The following ITSN1 variants were observed in gnomAD, a reference collection of about 807,000 sequenced individuals.
ITSN1 encodes intersectin-1.
A neutral mutation model predicts 239.8 loss-of-function variants in ITSN1; 58 were observed. The ratio of observed to expected loss-of-function variants is 0.24; its 90% CI spans 0.20 to 0.30. The LOEUF (loss-of-function observed/expected upper bound fraction) is 0.30. Ranked by LOEUF, ITSN1 falls within the 10% of genes least tolerant of loss-of-function variation. The pLI is 1.00. For synonymous variants in ITSN1, 780 were observed against 770.8 expected (o/e 1.01, Z -0.20); for missense variants, 1,558 against 2,103.3 (o/e 0.74, Z 5.07).
chr21:33,689,968 AAAAAAAAAAAAAAATAATT>A (rs1012640747), intron 1 of ITSN1, among the ~76,000 whole-genome samples: 3 of 138,316 alleles, frequency 2.2e-5, no homozygotes, highest in Non-Finnish European at 4.7e-5. Flanking sequence ...ACTCTGTCTC[AAAAAAAAAAAAAAATAATT>A]AAAAAAAAAA....
At position 33,730,388 on chromosome 21, in the gene ITSN1, C is replaced by CTTTTTTTTTTTTTTT. The variant is rs71194863; in HGVS notation, c.186-4642_186-4628dup. ...TAACCTGCTATAAATGCTCTCTGTT[C>CTTTTTTTTTTTTTTT]TTTTTTTTTTTTTTTTTTTTTTTTT... On this transcript the variant is annotated intron_variant, in intron 4 of 39. Transcript: ENST00000381318. 8.1e-5 allele frequency among the ~76,000 whole-genome samples: 4 copies of CTTTTTTTTTTTTTTT among 49,348 alleles called. 1 individual carries two copies. The highest frequency in any genetic ancestry group is 6.8e-4 in the East Asian group (1 of 1,468). 32.4% of individuals were successfully genotyped at this position (49,348 alleles called of 152,430 possible).
chr21:33,877,860 T>TGTGC (rs1160748772), intron 34 of ITSN1, among the ~76,000 whole-genome samples: 17 of 145,994 alleles, frequency 1.2e-4, no homozygotes, highest in Non-Finnish European at 4.5e-5. Context: ...TGTGTGTGTG[T>TGTGC]GCCAGTTTTC....
intron 1 of ITSN1, among the ~76,000 whole-genome samples, chr21:33,648,309 C>T (rs561471451): frequency 1.3e-5 from 2 of 152,172 alleles, no homozygotes; most frequent in East Asian, 3.8e-4. Flanking sequence ...CTTACAGATG[C>T]CTTGGAAACT....
At chr21:33,701,535 G>A (rs888101341) in intron 1 of ITSN1, among the ~76,000 whole-genome samples, 5 of 151,890 alleles carry the variant, frequency 3.3e-5, no homozygotes, top group African/African-American at 1.2e-4. Flanking sequence ...ACGCACGCCT[G>A]TAATCCCAGC....
At chr21:33,875,064 G>A (rs1483881031) in intron 33 of ITSN1, among the ~76,000 whole-genome samples, 4 of 152,182 alleles carry the variant, frequency 2.6e-5, no homozygotes, top group East Asian at 1.9e-4. Flanking sequence ...ACATTTTGCC[G>A]GACAGATCAC....
chr21:33,897,178 C>T lies in ITSN1; in HGVS notation c.*8878C>T, dbSNP rs1430855353. 6.6e-6 allele frequency: 1 copy of T among 152,240 alleles called. No homozygotes were observed. The highest frequency in any genetic ancestry group is 2.4e-5 in the African/African-American group (1 of 41,450). 9.4% of individuals were successfully genotyped at this position (152,240 alleles called of 1,614,324 possible). On this transcript the variant is annotated 3_prime_UTR_variant, in exon 40 of 40. Coordinates refer to ENST00000381318, the MANE Select transcript of ITSN1 (RefSeq NM_003024.3). The stretch of plus-strand genomic sequence containing the variant: ...TATGTTAATGCTACTTAATTTTAGA[C>T]ATGCATTTAAAGCCTACATGGCCAA...
At chr21:33,856,003 C>A (rs1979252882) in intron 29 of ITSN1, among the ~76,000 whole-genome samples, 2 of 152,370 alleles carry the variant, frequency 1.3e-5, no homozygotes, top group African/African-American at 4.8e-5. Flanking sequence ...AGCACAGCCT[C>A]TGCAGCCCAA....
chr21:33,717,498 A>G (rs2065220829), intron 1 of ITSN1, among the ~76,000 whole-genome samples: 1 of 151,258 alleles, frequency 6.6e-6, no homozygotes, highest in South Asian at 2.1e-4. Flanking sequence ...TGCCCAGTCA[A>G]TACTCATTTT....
chr21:33,814,203 G>T, intron 22 of ITSN1, 131 bp downstream of exon 22: 3 of 731,948 alleles, frequency 4.1e-6, no homozygotes, highest in East Asian at 4.0e-5. Context: ...GGCAGTATGG[G>T]AATCCAGTGC....
chr21:33,693,935 T>G (rs1447187919), intron 1 of ITSN1, among the ~76,000 whole-genome samples: 3 of 152,242 alleles, frequency 2.0e-5, no homozygotes, highest in Non-Finnish European at 4.4e-5. Context: ...TTTGATATAT[T>G]TTGTTTCTGT....
At chr21:33,793,304 G>A (rs949649120) in intron 16 of ITSN1, among the ~76,000 whole-genome samples, 33 of 152,160 alleles carry the variant, frequency 2.2e-4, no homozygotes, top group Admixed American at 2.2e-3. Flanking sequence ...GAAGACGACA[G>A]GGCAAATCTT....
chr21:33,863,723 T>C (rs181523102), intron 31 of ITSN1, among the ~76,000 whole-genome samples: 2 of 152,398 alleles, frequency 1.3e-5, no homozygotes, highest in Non-Finnish European at 1.5e-5. Context: ...GATGGAATGA[T>C]GGAATTTCTT....
At chr21:33,643,601 C>T (rs897646057) in intron 1 of ITSN1, 2 of 152,108 alleles carry the variant, frequency 1.3e-5, no homozygotes, top group African/African-American at 2.4e-5. Context: ...AGATTAGCGG[C>T]TTCTCTGTGG....
rs11419453 is a variant in ITSN1, at chr21:33,697,234, A to ATTT, written c.-32-21546_-32-21544dup. Among the ~76,000 whole-genome samples the ATTT allele has an allele frequency of 3.3e-3, 398 of 121,652 alleles. 5 individuals carry two copies. The highest frequency in any genetic ancestry group is 6.5e-3 in the African/African-American group (207 of 32,004). 79.8% of individuals were successfully genotyped at this position (121,652 alleles called of 152,430 possible). A position where few individuals can be genotyped will look rare whatever the true frequency, so the allele number is the denominator to read the frequency against. On this transcript the variant is annotated intron_variant, in intron 1 of 39. Coordinates refer to ENST00000381318, the MANE Select transcript of ITSN1 (RefSeq NM_003024.3). ...AGGCATACACGACCACACCTGGCTA[A>ATTT]TTTTTTTTTTTTTTTTTTTGTATTT... is the stretch of plus-strand genomic sequence containing the variant.
At chr21:33,671,435 G>A (rs376672612) in intron 1 of ITSN1, among the ~76,000 whole-genome samples, 5 of 151,514 alleles carry the variant, frequency 3.3e-5, no homozygotes, top group African/African-American at 7.3e-5. Flanking sequence ...TACAGGCGCC[G>A]GCCACCACGC....
chr21:33,679,509 A>G (rs767679312), intron 1 of ITSN1, among the ~76,000 whole-genome samples: 4 of 152,062 alleles, frequency 2.6e-5, no homozygotes, highest in Non-Finnish European at 4.4e-5. Context: ...ATACAAAGAG[A>G]TTGCCTTTAG....
intron 4 of ITSN1, among the ~76,000 whole-genome samples, chr21:33,725,830 G>A (rs559214245): frequency 6.6e-6 from 1 of 152,256 alleles, no homozygotes; most frequent in South Asian, 2.1e-4. Flanking sequence ...AAAAGTCATT[G>A]GAAATTTCAT....
At chr21:33,686,952 T>G (rs1464615538) in intron 1 of ITSN1, among the ~76,000 whole-genome samples, 1 of 152,204 alleles carries the variant, frequency 6.6e-6, no homozygotes, top group Non-Finnish European at 1.5e-5. Context: ...TGGTGGATAT[T>G]TCAACACAAT....
intron 1 of ITSN1, among the ~76,000 whole-genome samples, chr21:33,663,015 A>G (rs1383428773): frequency 6.6e-6 from 1 of 152,240 alleles, no homozygotes; most frequent in Non-Finnish European, 1.5e-5. Flanking sequence ...GTATTATAAC[A>G]TTATAAAACA....
Sources: allele counts gnomAD v4.1 joint callset (sites outside exome capture counted in the v4.1 genomes callset), GRCh38; gene constraint gnomAD v4.1.1; transcripts MANE v1.5; gene names NCBI Gene and HGNC (gene_info 2026-07-23, HGNC 2026-07-21).